The following FASN variants were observed in gnomAD, a reference collection of about 807,000 sequenced individuals.
FASN encodes the protein 3-hydroxyacyl-[acyl-carrier-protein] dehydratase.
A neutral mutation model predicts 250.0 loss-of-function variants in FASN; 50 were observed. That is an observed-to-expected ratio of 0.20 (90% CI 0.16 to 0.25). The LOEUF (loss-of-function observed/expected upper bound fraction) is 0.25, where lower values mean the gene tolerates loss of function less well. Ranked by LOEUF, FASN falls within the 10% of genes least tolerant of loss-of-function variation. The pLI, the probability that FASN is intolerant of heterozygous loss-of-function variation, is 1.00. For missense variants in FASN, 3,031 were observed against 3,498.5 expected (o/e 0.87, Z 3.37); for synonymous variants, 1,909 against 1,584.0 (o/e 1.21, Z -4.87).
chr17:82,092,789 T>G lies in FASN; in HGVS notation c.802A>C (p.Ile268Leu). 6.2e-7 allele frequency: 1 copy of G among 1,602,976 alleles called. No individual in the cohort carries two copies. The highest frequency in any genetic ancestry group is 8.5e-7 in the Non-Finnish European group (1 of 1,176,054). Reference protein sequence around the residue: ...EQGVTFPSGDIQEQLIRSLYQ... With the variant: ...EQGVTFPSGDLQEQLIRSLYQ... ...AACGAGCGGATGAGCTGCTCCTGGA[T>G]ATCCCCTGAGGGGAAGGTCACGCCT... Residue 268 changes from isoleucine (I) to leucine (L), a missense_variant, in exon 7 of 43, where the codon ATC becomes CTC. Coordinates refer to ENST00000306749, the MANE Select transcript of FASN (RefSeq NM_004104.5).
chr17:82,088,096 G>C lies in FASN; in HGVS notation c.2785+20C>G, dbSNP rs1398368176. 1 of 1,612,578 alleles carries C rather than the reference G, an allele frequency of 6.2e-7. No individual in the cohort carries two copies. The highest frequency in any genetic ancestry group is 8.5e-7 in the Non-Finnish European group (1 of 1,179,918). The stretch of plus-strand genomic sequence containing the variant: ...CCCGCCCCCCAGCTACCCCCGCCTT[G>C]GTCCTGGGGTACCCCTCACCAGTCT... On this transcript the variant is annotated intron_variant, in intron 17 of 42. Coordinates refer to ENST00000306749, the MANE Select transcript of FASN (RefSeq NM_004104.5).
chr17:82,079,398 C>T lies in FASN; in HGVS notation c.7357G>A (p.Ala2453Thr), dbSNP rs148372886. The T allele has an allele frequency of 4.5e-5, 72 of 1,612,988 alleles. No homozygotes were observed. The African/African-American group carries it at 5.6e-4, about 13-fold the overall frequency. ...VMLLRAKTGG[A>T]YGEDLGADYN... is the part of the protein sequence containing the mutation. ...TCCGCGCCCAGGTCCTCGCCGTAGGCGCCACCCGTCTTGGCGCGCAGTAGC... is the reference window on the plus strand; with the variant it reads ...TCCGCGCCCAGGTCCTCGCCGTAGGTGCCACCCGTCTTGGCGCGCAGTAGC... Residue 2453 changes from alanine (A) to threonine (T), a missense_variant, in exon 42 of 43, where the codon GCC becomes ACC. By Grantham distance (58) the Ala-to-Thr change is moderately conservative. Transcript: ENST00000306749.
In FASN at chr17:82,079,259, C is replaced by T. The variant is rs759061770; in HGVS notation, c.7420G>A (p.Val2474Ile). Residue 2474 changes from valine (V) to isoleucine (I), a missense_variant, in exon 43 of 43, where the codon GTC becomes ATC. Coordinates refer to ENST00000306749, the MANE Select transcript of FASN (RefSeq NM_004104.5). ...LSQVCDGKVS[V>I]HVIEGDHRTL... is the part of the protein sequence containing the mutation. Reference sequence around the variant, plus strand: ...CGGTGGTCACCCTCGATGACGTGGACGGATACTTTCCCGTCGCATACCTGC... The same window carrying T: ...CGGTGGTCACCCTCGATGACGTGGATGGATACTTTCCCGTCGCATACCTGC... 89 of 1,612,952 alleles carry T rather than the reference C, an allele frequency of 5.5e-5. No individual in the cohort carries two copies. The highest frequency in any genetic ancestry group is 1.6e-4 in the Middle Eastern group (1 of 6,084).
chr17:82,085,755 G>A lies in FASN; in HGVS notation c.3849C>T (p.Ala1283=), dbSNP rs369844708. ...TDRHPQALEA[A]QAELQQHDVA... ...CGTCGTGCTGCTGCAGCTCGGCCTG[G>A]GCAGCCTCCAGGGCCTGGGGGTGGC... The change falls in exon 23 of 43, where the codon GCC becomes GCT. Residue 1283 remains alanine, a synonymous_variant. Transcript: ENST00000306749. The A allele has an allele frequency of 1.3e-6, 2 of 1,565,614 alleles. No homozygotes were observed. The highest frequency in any genetic ancestry group is 8.7e-7 in the Non-Finnish European group (1 of 1,155,754).
At chr17:82,093,799 C>T (rs771860962) in intron 3 of FASN, 28 bp from the exon 4 acceptor site, 54 of 1,610,154 alleles carry the variant, frequency 3.4e-5, no homozygotes, top group Middle Eastern at 1.9e-4. Context: ...CAAGGTGCCA[C>T]GGCCGGGCCC....
At chr17:82,093,966 G>A (rs1350169547) in intron 3 of FASN, 195 bp from the exon 4 acceptor site, 1 of 642,956 alleles carries the variant, frequency 1.6e-6, no homozygotes, top group African/African-American at 1.8e-5. Context: ...CAGAGCCTGT[G>A]GCCAGCAGCC....
At position 82,081,774 on chromosome 17, in the gene FASN, G is replaced by A. The variant is rs765291298; in HGVS notation, c.6233C>T (p.Thr2078Met). The A allele has an allele frequency of 5.6e-6, 9 of 1,612,446 alleles. No individual in the cohort carries two copies. The highest frequency in any genetic ancestry group is 4.5e-5 in the East Asian group (2 of 44,896). Residue 2078 changes from threonine (T) to methionine (M), a missense_variant, in exon 37 of 43, where the codon ACG becomes ATG. Physicochemically the swap from Thr to Met is moderately conservative, Grantham distance 81. Coordinates refer to ENST00000306749, the MANE Select transcript of FASN (RefSeq NM_004104.5). Reference protein sequence around the residue: ...ILVETMSTNDTIVSGTLPQRM... With the variant: ...ILVETMSTNDMIVSGTLPQRM... ...CTGGGGCAGCGTGCCACTGACGATC[G>A]TGTCGTTGGTGCTCATCGTCTCCAC...
chr17:82,094,602 A>C (rs918733673), intron 3 of FASN, among the ~76,000 whole-genome samples: 4 of 151,794 alleles, frequency 2.6e-5, no homozygotes, highest in Non-Finnish European at 5.9e-5. Context: ...CATCCTGGCA[A>C]ACATGGTGAA....
chr17:82,096,935 G>A (rs2034314761), intron 1 of FASN: 6 of 243,420 alleles, frequency 2.5e-5, no homozygotes. Flanking sequence ...AAGAAATGGA[G>A]AGGCAGGGTC....
At chr17:82,082,722 T>C (rs534398066) in intron 33 of FASN, 44 bp from the exon 34 acceptor site, 1 of 1,600,298 alleles carries the variant, frequency 6.2e-7, no homozygotes, top group East Asian at 2.2e-5. Flanking sequence ...CAGGGTACGG[T>C]CTCTTCCCTA....
At position 82,085,810 on chromosome 17, in the gene FASN, A is replaced by C. The variant is rs1568110115; in HGVS notation, c.3794T>G (p.Leu1265Arg). ...GGTGGCCGTGTAGCTCAGCTGCAGC[A>C]GGGGATGGGGGCTGAGCAGGCCTGG... ...RIPGLLSPHP[L>R]LQLSYTATDR... The change falls in exon 23 of 43, where the codon CTG (leucine) becomes CGG (arginine). Residue 1265 changes from leucine (L) to arginine (R), a missense_variant. Leu to Arg is a moderately radical substitution (Grantham distance 102). Coordinates refer to ENST00000306749, the MANE Select transcript of FASN (RefSeq NM_004104.5). The C allele has an allele frequency of 5.1e-6, 8 of 1,562,182 alleles. No homozygotes were observed. Among genetic ancestry groups the C allele is most frequent in the Admixed American group, 1.8e-5 (1 of 54,484 alleles).
At chr17:82,089,576 G>A (rs2034165687) in intron 12 of FASN, 56 bp downstream of exon 12, 1 of 1,549,382 alleles carries the variant, frequency 6.5e-7, no homozygotes, top group South Asian at 1.2e-5. Flanking sequence ...GTCCCTGCCA[G>A]ACTTGCAATG....
chr17:82,095,290 C>T (rs45555535), intron 3 of FASN, 30 bp downstream of exon 3: 475,777 of 1,609,536 alleles, frequency 0.3, 75,340 homozygotes, highest in Non-Finnish European at 0.33. Flanking sequence ...CAGGAGCCCT[C>T]GGCGCAGCAG....
In FASN at chr17:82,088,248, G is replaced by T; in HGVS notation, c.2653C>A (p.Leu885Ile). The stretch of plus-strand genomic sequence containing the variant: ...CTCAGGTAGCCAGTGGCGGGGAAGA[G>T]GACGCGACCGTCGAGGGTGTGGTCC... ...LVDHTLDGRVLFPATGYLSIV... is the reference protein window; with the variant it reads ...LVDHTLDGRVIFPATGYLSIV... The change falls in exon 17 of 43, where the codon CTC (leucine) becomes ATC (isoleucine). Residue 885 changes from leucine (L) to isoleucine (I), a missense_variant. By Grantham distance (5) the Leu-to-Ile change is conservative (BLOSUM62 2). Transcript: ENST00000306749. 3.7e-6 allele frequency: 6 copies of T among 1,607,932 alleles called. No individual in the cohort carries two copies. The highest frequency in any genetic ancestry group is 5.1e-6 in the Non-Finnish European group (6 of 1,179,940).
At position 82,083,424 on chromosome 17, in the gene FASN, G is replaced by A. The variant is rs537230229; in HGVS notation, c.5343C>T (p.Gly1781=). 24 of 1,612,742 alleles carry A rather than the reference G, an allele frequency of 1.5e-5. No individual in the cohort carries two copies. In the East Asian group the frequency reaches 5.1e-4, roughly 34 times the overall value. ...TCACGTTCTTCAGGAAGATAGCCATGCCTGCGGGCAGGGGCCGTGCTCACC... is the reference window on the plus strand; with the variant it reads ...TCACGTTCTTCAGGAAGATAGCCATACCTGCGGGCAGGGGCCGTGCTCACC... ...KFDLSQNHPL[G]MAIFLKNVTF... The change falls in exon 32 of 43, where the codon GGC becomes GGT. Residue 1781 remains glycine (G), a splice_region_variant and synonymous_variant. Coordinates refer to ENST00000306749, the MANE Select transcript of FASN (RefSeq NM_004104.5).
In FASN at chr17:82,093,249, C is replaced by G. The variant is rs1231782441; in HGVS notation, c.625G>C (p.Glu209Gln). The G allele has an allele frequency of 6.3e-7, 1 of 1,590,606 alleles. No individual in the cohort carries two copies. The highest frequency in any genetic ancestry group is 8.6e-7 in the Non-Finnish European group (1 of 1,169,460). ...GTGTCGAAGGCCTTGCAGGTGCCCT[C>G]GGGGCTGAGCATCCCCAGCCTCAAG... Reference protein sequence around the residue: ...QFLRLGMLSPEGTCKAFDTAG... With the variant: ...QFLRLGMLSPQGTCKAFDTAG... The change falls in exon 5 of 43, where the codon GAG (glutamate) becomes CAG (glutamine). Residue 209 changes from glutamate to glutamine, a missense_variant. By Grantham distance (29) the Glu-to-Gln change is conservative. Coordinates refer to ENST00000306749, the MANE Select transcript of FASN (RefSeq NM_004104.5).
chr17:82,082,133 C>T lies in FASN; in HGVS notation c.6039G>A (p.Leu2013=). The change falls in exon 36 of 43, where the codon CTG becomes CTA. Residue 2013 remains leucine, a synonymous_variant. Coordinates refer to ENST00000306749, the MANE Select transcript of FASN (RefSeq NM_004104.5). Reference sequence around the variant, plus strand: ...CAGAGGAGAAGACCACAAAGTAGTCCAGCTCAGGGCACGCCTCTCGGGTCA... The same window carrying T: ...CAGAGGAGAAGACCACAAAGTAGTCTAGCTCAGGGCACGCCTCTCGGGTCA... ...DRVTREACPE[L]DYFVVFSSVS... 6.2e-7 allele frequency: 1 copy of T among 1,605,664 alleles called. No individual in the cohort carries two copies. The highest frequency in any genetic ancestry group is 8.5e-7 in the Non-Finnish European group (1 of 1,179,960).
chr17:82,094,170 T>G, intron 3 of FASN: 1 of 345,254 alleles, frequency 2.9e-6, no homozygotes, highest in Non-Finnish European at 5.6e-6. Context: ...CAGTGGCCTC[T>G]CCAGCGCCAA....
chr17:82,095,260 T>C, intron 3 of FASN, 60 bp downstream of exon 3: 1 of 1,574,198 alleles, frequency 6.4e-7, no homozygotes, highest in Non-Finnish European at 8.7e-7. Flanking sequence ...GAGAAAACAC[T>C]GCCTATTCCA....
Sources: allele counts gnomAD v4.1 joint callset (sites outside exome capture counted in the v4.1 genomes callset), GRCh38; gene constraint gnomAD v4.1.1; transcripts MANE v1.5; gene names NCBI Gene and HGNC (gene_info 2026-07-23, HGNC 2026-07-21).